The following KCMF1 variants were observed in gnomAD, a reference collection of about 807,000 sequenced individuals.
The protein encoded by KCMF1 is E3 ubiquitin-protein ligase KCMF1.
Under a neutral mutation model 41.1 loss-of-function variants are expected in KCMF1, and 3 were observed. The observed-to-expected ratio is 0.07, with a 90% confidence interval of 0.03 to 0.19. The LOEUF is 0.19. KCMF1 is among the 10% of genes least tolerant of loss of function. The pLI is 1.00. For missense variants in KCMF1, 286 were observed against 488.9 expected (o/e 0.58, Z 3.91); for synonymous variants, 142 against 164.5 (o/e 0.86, Z 1.04).
intron 2 of KCMF1, among the ~76,000 whole-genome samples, chr2:85,029,735 G>A (rs1393464367): frequency 1.4e-5 from 2 of 141,608 alleles, no homozygotes; most frequent in East Asian, 2.1e-4. Flanking sequence ...AGGCTGGAGT[G>A]CAATGGCGCC....
chr2:84,985,467 CTATT>C (rs1225786976), intron 1 of KCMF1, among the ~76,000 whole-genome samples: 1 of 152,212 alleles, frequency 6.6e-6, no homozygotes, highest in African/African-American at 2.4e-5. Context: ...CTCTATTACT[CTATT>C]TAACTGATGT....
rs955282417 is a variant in KCMF1 at position 85,054,528 on chromosome 2, C to T, written c.*1119C>T. ...TTAATTGAATCATGCCACCTATATG[C>T]CTATATTATTAATCCTATGTGTAAA... On this transcript the variant is annotated 3_prime_UTR_variant, in exon 7 of 7. Coordinates refer to ENST00000409785, the MANE Select transcript of KCMF1 (RefSeq NM_020122.5). 3.3e-5 allele frequency: 5 copies of T among 151,968 alleles called. No homozygotes were observed. The highest frequency in any genetic ancestry group is 2.0e-4 in the Admixed American group (3 of 15,242). 9.4% of individuals were successfully genotyped at this position (151,968 alleles called of 1,614,324 possible). A position where few individuals can be genotyped will look rare whatever the true frequency, so the allele number is the denominator to read the frequency against.
At chr2:85,048,156 G>A (rs922288912) in intron 5 of KCMF1, among the ~76,000 whole-genome samples, 1 of 152,148 alleles carries the variant, frequency 6.6e-6, no homozygotes, top group Non-Finnish European at 1.5e-5. Context: ...TACCTATCAT[G>A]TTATTTAAAA....
chr2:85,017,012 CTT>C (rs768880385), intron 1 of KCMF1, among the ~76,000 whole-genome samples: 6,322 of 98,968 alleles, frequency 0.064, 139 homozygotes, highest in East Asian at 0.25. Context: ...AGATCCTCTT[CTT>C]TTTTTTTTTT....
chr2:84,984,044 G>A (rs946895282), intron 1 of KCMF1, among the ~76,000 whole-genome samples: 2 of 152,004 alleles, frequency 1.3e-5, no homozygotes, highest in African/African-American at 2.4e-5. Context: ...ACATTTATGC[G>A]TTGAGGGTCT....
intron 1 of KCMF1, among the ~76,000 whole-genome samples, chr2:85,003,646 G>A (rs1472243048): frequency 6.6e-6 from 1 of 151,746 alleles, no homozygotes; most frequent in East Asian, 1.9e-4. Context: ...TAGAAACCGG[G>A]TCTCCCGATG....
chr2:85,034,887 G>T, intron 2 of KCMF1, 129 bp from the exon 3 acceptor site: 1 of 708,778 alleles, frequency 1.4e-6, no homozygotes, highest in South Asian at 2.2e-5. Flanking sequence ...CTCCCAACGT[G>T]CTGGGATTGC....
intron 1 of KCMF1, among the ~76,000 whole-genome samples, chr2:84,976,623 T>C (rs189232323): frequency 6.6e-5 from 10 of 150,430 alleles, no homozygotes; most frequent in Admixed American, 5.3e-4. Flanking sequence ...GAGACCCTAT[T>C]TCTTTAAAAA....
chr2:85,021,255 C>T (rs1238823871), intron 1 of KCMF1, among the ~76,000 whole-genome samples: 36 of 152,040 alleles, frequency 2.4e-4, no homozygotes, highest in Admixed American at 2.0e-3. Context: ...TCAAGGATCT[C>T]GAAGGATATT....
At chr2:84,982,207 A>G (rs1380146555) in intron 1 of KCMF1, among the ~76,000 whole-genome samples, 7 of 152,100 alleles carry the variant, frequency 4.6e-5, no homozygotes, top group African/African-American at 1.4e-4. Flanking sequence ...ATAACTAACA[A>G]CTATTGGGGT....
chr2:85,025,290 A>G (rs972623088), intron 1 of KCMF1, among the ~76,000 whole-genome samples: 3 of 152,170 alleles, frequency 2.0e-5, no homozygotes, highest in African/African-American at 7.2e-5. Flanking sequence ...AGGGCTGCCT[A>G]TCTTTGGTTA....
chr2:85,053,251 C>G lies in KCMF1; in HGVS notation c.988C>G (p.Arg330Gly), dbSNP rs979896332. ...AGAGCTCCTTCTGTCCACTTTAGTGCGTGAAGAGAGCTCATCCTCAGATGA... is the reference window on the plus strand; with the variant it reads ...AGAGCTCCTTCTGTCCACTTTAGTGGGTGAAGAGAGCTCATCCTCAGATGA... ...VQELLLSTLV[R>G]EESSSSDEDD... Residue 330 changes from arginine (R) to glycine (G), a missense_variant, in exon 7 of 7, where the codon CGT (arginine) becomes GGT (glycine). Arg to Gly is a moderately radical substitution (Grantham distance 125). This residue lies in a region of KCMF1 where 191 missense variants were observed against 279.3 expected (regional missense o/e 0.68). Transcript: ENST00000409785. 1.2e-6 allele frequency: 2 copies of G among 1,613,928 alleles called. No individual in the cohort carries two copies. The highest frequency in any genetic ancestry group is 1.7e-6 in the Non-Finnish European group (2 of 1,179,860).
intron 1 of KCMF1, among the ~76,000 whole-genome samples, chr2:84,977,802 A>G (rs1044775570): frequency 2.6e-5 from 4 of 152,170 alleles, no homozygotes; most frequent in Admixed American, 6.6e-5. Flanking sequence ...ATTTATGGGA[A>G]AATGAATCAC....
At chr2:85,037,081 C>T (rs1001021966) in intron 3 of KCMF1, among the ~76,000 whole-genome samples, 4 of 151,324 alleles carry the variant, frequency 2.6e-5, no homozygotes, top group African/African-American at 7.3e-5. Flanking sequence ...ATTAAATACC[C>T]ACCACCTACA....
In KCMF1 at chr2:84,971,475, G is replaced by T; in HGVS notation, c.16+8G>T. The T allele has an allele frequency of 1.6e-6, 2 of 1,276,790 alleles. No homozygotes were observed. Among genetic ancestry groups the T allele is most frequent in the Non-Finnish European group, 1.0e-6 (1 of 988,706 alleles). The allele number at this position is 1,276,790 out of a possible 1,614,324, so 79.1% of individuals were successfully genotyped here. A position where few individuals can be genotyped will look rare whatever the true frequency, so the allele number is the denominator to read the frequency against. On this transcript the variant is annotated splice_region_variant and intron_variant, in intron 1 of 6. Coordinates refer to ENST00000409785, the MANE Select transcript of KCMF1 (RefSeq NM_020122.5). ...GGATGTCCCGACATGAAGGTGAGAG[G>T]AGCCCCCGCCCCCACCCGCACCTCC...
intron 3 of KCMF1, among the ~76,000 whole-genome samples, chr2:85,036,478 CT>C (rs1238215893): frequency 6.6e-6 from 1 of 152,034 alleles, no homozygotes; most frequent in Admixed American, 6.6e-5. Flanking sequence ...ACATGGAGTT[CT>C]TATTGTAAAT....
At chr2:85,015,481 T>C (rs1338292537) in intron 1 of KCMF1, among the ~76,000 whole-genome samples, 1 of 152,206 alleles carries the variant, frequency 6.6e-6, no homozygotes, top group South Asian at 2.1e-4. Flanking sequence ...AAGTCCATTG[T>C]TGCTAAGATA....
chr2:85,053,403 T>A lies in KCMF1; in HGVS notation c.1140T>A (p.Pro380=), dbSNP rs1444932157. Residue 380 remains proline, a synonymous_variant, in exon 7 of 7, where the codon CCT becomes CCA. Coordinates refer to ENST00000409785, the MANE Select transcript of KCMF1 (RefSeq NM_020122.5). ...SNKGNEPPPP[P]L is the part of the protein sequence containing the mutation. ...AAGGAAATGAGCCTCCACCACCTCC[T>A]CTTTGATGACATCCCAATTCGCAGA... 1 of 1,611,302 alleles carries A rather than the reference T, an allele frequency of 6.2e-7. No individual in the cohort carries two copies. The highest frequency in any genetic ancestry group is 8.5e-7 in the Non-Finnish European group (1 of 1,178,608).
chr2:84,988,716 AAGAG>A (rs1404998112), intron 1 of KCMF1, among the ~76,000 whole-genome samples: 3 of 152,234 alleles, frequency 2.0e-5, no homozygotes, highest in African/African-American at 7.2e-5. Flanking sequence ...CATAGGTAGT[AAGAG>A]AGAAAGCCAG....
Sources: allele counts gnomAD v4.1 joint callset (sites outside exome capture counted in the v4.1 genomes callset), GRCh38; gene constraint gnomAD v4.1.1; regional missense constraint gnomAD v4.1.1; transcripts MANE v1.5; gene names NCBI Gene and HGNC (gene_info 2026-07-23, HGNC 2026-07-21).